The following ANKRD11 variants were observed in gnomAD, a reference collection of about 807,000 sequenced individuals.
ANKRD11 encodes the protein ankyrin repeat domain-containing protein 11.
A neutral mutation model predicts 195.7 loss-of-function variants in ANKRD11; 17 were observed. The observed-to-expected ratio is 0.09, with a 90% CI of 0.06 to 0.13. ANKRD11 has a LOEUF of 0.13. Ranked by LOEUF, ANKRD11 falls within the 10% of genes least tolerant of loss-of-function variation. The pLI is 1.00. For synonymous variants in ANKRD11, 1,953 were observed against 1,528.1 expected (o/e 1.28, Z -6.49); for missense variants, 3,735 against 3,566.1 (o/e 1.05, Z -1.21).
In ANKRD11 at chr16:89,291,793, C is replaced by A; in HGVS notation, c.227-610G>T. 4 of 1,288,852 alleles carry A rather than the reference C, an allele frequency of 3.1e-6. No individual in the cohort carries two copies. Among genetic ancestry groups the A allele is most frequent in the Non-Finnish European group, 4.0e-6 (4 of 988,064 alleles). 79.8% of individuals were successfully genotyped at this position (1,288,852 alleles called of 1,614,324 possible). A position where few individuals can be genotyped will look rare whatever the true frequency, so the allele number is the denominator to read the frequency against. The stretch of plus-strand genomic sequence containing the variant: ...CTGGAGGCATCTGAAGGCATCAACA[C>A]AGAGCACTAACAAGACACGGTGTGA... On this transcript the variant is annotated intron_variant, in intron 4 of 12. Transcript: ENST00000301030. This position sits in a 1 kb window ranked among gnomAD's most constrained non-coding sequence, Gnocchi z 5.3.
At chr16:89,319,916 C>A (rs1270264039) in intron 2 of ANKRD11, 1 of 152,596 alleles carries the variant, frequency 6.6e-6, no homozygotes, top group Admixed American at 6.5e-5. Flanking sequence ...GCCTCTGGCA[C>A]CTTTGGCCCC....
chr16:89,282,283 A>G lies in ANKRD11; in HGVS notation c.4259T>C (p.Ile1420Thr), dbSNP rs142828350. Residue 1420 changes from isoleucine (I) to threonine (T), a missense_variant, in exon 9 of 13, where the codon ATT becomes ACT. Transcript: ENST00000301030. ...TTTCTTTTCGGTAGAAAACAATTCA[A>G]TGGTTTTATCTAGCTCATCTTCTAT... The part of the protein sequence containing the change: ...ADIEDELDKT[I>T]ELFSTEKKDK... The G allele has an allele frequency of 8.7e-6, 14 of 1,613,798 alleles. No individual in the cohort carries two copies. The African/African-American group carries it at 1.1e-4, about 12-fold the overall frequency.
chr16:89,346,488 C>G (rs1324180077), intron 2 of ANKRD11, among the ~76,000 whole-genome samples: 1 of 152,166 alleles, frequency 6.6e-6, no homozygotes, highest in Non-Finnish European at 1.5e-5. Flanking sequence ...CAGGGAACAA[C>G]AGTCATCCAA....
chr16:89,450,139 G>C (rs1026939556), intron 1 of ANKRD11, among the ~76,000 whole-genome samples: 1 of 152,196 alleles, frequency 6.6e-6, no homozygotes, highest in East Asian at 1.9e-4. Flanking sequence ...CCTGAGTGAT[G>C]AGAGTACATG....
intron 4 of ANKRD11, among the ~76,000 whole-genome samples, chr16:89,294,556 G>A (rs774691111): frequency 9.9e-5 from 15 of 152,118 alleles, no homozygotes; most frequent in Non-Finnish European, 2.2e-4. Flanking sequence ...CTGAGACACT[G>A]GCCACTCCAG....
intron 2 of ANKRD11, among the ~76,000 whole-genome samples, chr16:89,334,440 G>A (rs1281031370): frequency 1.3e-5 from 2 of 152,118 alleles, no homozygotes; most frequent in East Asian, 1.9e-4. Context: ...TCTCTGAGGA[G>A]TCCTCTCTTC....
intron 1 of ANKRD11, among the ~76,000 whole-genome samples, chr16:89,441,097 G>A (rs1327223108): frequency 4.0e-5 from 6 of 151,752 alleles, no homozygotes; most frequent in East Asian, 1.9e-4. Context: ...TTAGCCGGGC[G>A]TGGTGGTGGG....
intron 4 of ANKRD11, chr16:89,300,818 A>C: frequency 1.4e-6 from 1 of 699,578 alleles, no homozygotes; most frequent in Non-Finnish European, 2.6e-6. Flanking sequence ...TGTCATTCAC[A>C]GGTCAAAGCA....
chr16:89,378,726 T>C (rs1567721573), intron 2 of ANKRD11, among the ~76,000 whole-genome samples: 1 of 152,164 alleles, frequency 6.6e-6, no homozygotes, highest in Non-Finnish European at 1.5e-5. Context: ...ATTACAGGTG[T>C]GTGCCACCAT....
chr16:89,268,711 G>C, intron 12 of ANKRD11, 48 bp from the exon 13 acceptor site: 1 of 1,547,296 alleles, frequency 6.5e-7, no homozygotes, highest in Non-Finnish European at 8.8e-7. Flanking sequence ...TGAAGGGAGA[G>C]CCCCAGACTC....
At chr16:89,374,610 A>C (rs2040339236) in intron 2 of ANKRD11, among the ~76,000 whole-genome samples, 1 of 152,160 alleles carries the variant, frequency 6.6e-6, no homozygotes, top group South Asian at 2.1e-4. Context: ...ACCTCAGGAG[A>C]GCTGTGGGAA....
chr16:89,284,853 A>G lies in ANKRD11; in HGVS notation c.1689T>C (p.Ser563=), dbSNP rs748411270. ...TISSPAWSEV[S]SLSDSTRTRL... is the part of the protein sequence containing the mutation. ...TCGTCCTTGTGGAGTCTGATAAAGA[A>G]CTGACCTCTGACCAAGCCGGGGAAG... The change falls in exon 9 of 13, where the codon AGT becomes AGC. Residue 563 remains serine (S), a synonymous_variant. Coordinates refer to ENST00000301030, the MANE Select transcript of ANKRD11 (RefSeq NM_013275.6). The G allele has an allele frequency of 3.5e-5, 57 of 1,613,914 alleles. No individual in the cohort carries two copies. Among genetic ancestry groups the G allele is most frequent in the Non-Finnish European group, 4.5e-5 (53 of 1,180,046 alleles).
At chr16:89,338,487 T>C (rs992337134) in intron 2 of ANKRD11, among the ~76,000 whole-genome samples, 1 of 150,272 alleles carries the variant, frequency 6.7e-6, no homozygotes, top group African/African-American at 2.5e-5. Context: ...CCCAGCACTT[T>C]GGGAGGCCGA....
intron 9 of ANKRD11, 74 bp from the exon 10 acceptor site, chr16:89,275,265 C>CG (rs2033553865): frequency 3.7e-6 from 5 of 1,334,210 alleles, no homozygotes; most frequent in Non-Finnish European, 5.2e-6. Context: ...CTGGAGTTCA[C>CG]GGGGGTCCCG....
chr16:89,347,607 T>TA (rs5818710), intron 2 of ANKRD11, among the ~76,000 whole-genome samples: 64,009 of 127,132 alleles, frequency 0.5, 15,423 homozygotes, highest in Middle Eastern at 0.62. Flanking sequence ...CGAGACTCCG[T>TA]AAAAAAAAAA....
Position 89,371,728 on chromosome 16 carries a change from C to T in ANKRD11, c.-60+46556G>A, listed in dbSNP as rs766235045. Among the ~76,000 whole-genome samples, 3 of 152,242 alleles carry T rather than the reference C, an allele frequency of 2.0e-5. No individual in the cohort carries two copies. In the South Asian group the frequency reaches 6.2e-4, roughly 32 times the overall value. Reference sequence around the variant, plus strand: ...GAGAGGTGGTCTCGGGTGTGGAGGGCGATGCGGACTCCCTCCTGCACCCCC... The same window carrying T: ...GAGAGGTGGTCTCGGGTGTGGAGGGTGATGCGGACTCCCTCCTGCACCCCC... On this transcript the variant is annotated intron_variant, in intron 2 of 12. Coordinates refer to ENST00000301030, the MANE Select transcript of ANKRD11 (RefSeq NM_013275.6).
intron 1 of ANKRD11, 142 bp from the exon 2 acceptor site, chr16:89,418,510 CA>C: frequency 3.6e-6 from 1 of 275,464 alleles, no homozygotes; most frequent in Non-Finnish European, 7.4e-6. Context: ...AGCTCCTGGT[CA>C]CTGTGCCAAG....
rs1259874835 is a variant in ANKRD11 at position 89,274,898 on chromosome 16, C to T, written c.7629G>A (p.Arg2543=). The T allele has an allele frequency of 3.1e-6, 5 of 1,613,628 alleles. No homozygotes were observed. The highest frequency in any genetic ancestry group is 1.7e-5 in the Admixed American group (1 of 60,030). ...EILRVHCRAA[R]TIANQAVPFS... ...ATGGCACTGCCTGGTTGGCGATGGT[C>T]CTGGCCGCCCGGCAGTGAACCCGCA... The change falls in exon 11 of 13, where the codon AGG becomes AGA. Residue 2543 remains arginine (R), a synonymous_variant. Coordinates refer to ENST00000301030, the MANE Select transcript of ANKRD11 (RefSeq NM_013275.6).
Position 89,279,761 on chromosome 16 carries a change from C to G in ANKRD11, c.6781G>C (p.Glu2261Gln). ...CAGAGGGACGCGGCGGGGGGGCCTT[C>G]AGCCTCAGCCCCCTGGTCTCCGCTC... ...LGSGDQGAEA[E>Q]GPPAASLCAP... The change falls in exon 9 of 13, where the codon GAA becomes CAA. Residue 2261 changes from glutamate to glutamine, a missense_variant. Physicochemically the swap from Glu to Gln is conservative, Grantham distance 29. Transcript: ENST00000301030. The surrounding 1 kb of genome is among the most constrained non-coding windows in gnomAD (Gnocchi z 5.6). 2.0e-6 allele frequency: 3 copies of G among 1,524,040 alleles called. No individual in the cohort carries two copies. The highest frequency in any genetic ancestry group is 2.6e-6 in the Non-Finnish European group (3 of 1,138,872). The allele number at this position is 1,524,040 out of a possible 1,614,324, so 94.4% of individuals were successfully genotyped here.
Sources: gnomAD v4.1 joint callset for allele counts (sites outside exome capture counted in the v4.1 genomes callset) on GRCh38, gnomAD v4.1.1 for gene constraint, Gnocchi (gnomAD v3.1) non-coding constraint, MANE v1.5 for transcripts, NCBI Gene and HGNC (gene_info 2026-07-23, HGNC 2026-07-21) for gene names.